Variants in RMDN2 observed in about 807,000 individuals in gnomAD.
RMDN2 encodes the protein regulator of microtubule dynamics 2, also known as regulator of microtubule dynamics protein 2.
Under a neutral mutation model 52.8 loss-of-function variants are expected in RMDN2, and 61 were observed. The ratio of observed to expected loss-of-function variants is 1.16; its 90% CI spans 0.94 to 1.43. The LOEUF is 1.43. Among genes scored for constraint, RMDN2 ranks in the 40% most tolerant of loss-of-function variants. The pLI is 0.00. For synonymous variants in RMDN2, 180 were observed against 153.1 expected (o/e 1.18, Z -1.30); for missense variants, 592 against 475.3 (o/e 1.25, Z -2.28).
intron 3 of RMDN2, chr2:37,974,889 AAAG>A (rs1182285697): frequency 2.0e-5 from 5 of 247,586 alleles, no homozygotes; most frequent in Non-Finnish European, 3.8e-5. Context: ...TTGGAAAGGA[AAAG>A]AAGAAAAGGA....
At chr2:37,967,153 G>A (rs1232794234) in intron 2 of RMDN2, among the ~76,000 whole-genome samples, 1 of 152,072 alleles carries the variant, frequency 6.6e-6, no homozygotes, top group Non-Finnish European at 1.5e-5. Flanking sequence ...TTTTGTTTGT[G>A]TCCTCTAATT....
intron 8 of RMDN2, among the ~76,000 whole-genome samples, chr2:37,999,330 G>A (rs530783889): frequency 1.3e-5 from 2 of 152,276 alleles, no homozygotes; most frequent in African/African-American, 4.8e-5. Context: ...TCATAGTGGT[G>A]TTGTAAGGAT....
In RMDN2 at chr2:38,023,687, G is replaced by A. The variant is rs544772097; in HGVS notation, c.1713+19471G>A. On this transcript the variant is annotated intron_variant, in intron 10 of 10. Transcript: ENST00000234195. ...AAGATACATTTTAGAACCAAGTAAA[G>A]TTCATACTTGAAGTACTGTGATTTT... 1.2e-4 allele frequency among the ~76,000 whole-genome samples: 18 copies of A among 152,224 alleles called. 1 individual carries two copies. Among genetic ancestry groups the A allele is most frequent in the African/African-American group, 3.9e-4 (16 of 41,534 alleles).
At chr2:37,973,844 G>C (rs1672110763) in intron 2 of RMDN2, among the ~76,000 whole-genome samples, 196 bp from the exon 3 acceptor site, 1 of 152,116 alleles carries the variant, frequency 6.6e-6, no homozygotes, top group Admixed American at 6.6e-5. Context: ...AGATCAAAGA[G>C]GTAACGAGAT....
chr2:38,045,102 T>C (rs556317088), intron 10 of RMDN2, among the ~76,000 whole-genome samples: 2 of 152,320 alleles, frequency 1.3e-5, no homozygotes, highest in South Asian at 2.1e-4. Context: ...TGTTAATTTA[T>C]TAAAAGAGAA....
At chr2:37,995,015 A>C (rs1057270464) in intron 7 of RMDN2, among the ~76,000 whole-genome samples, 1 of 152,212 alleles carries the variant, frequency 6.6e-6, no homozygotes, top group South Asian at 2.1e-4. Context: ...GCAAAGGGGT[A>C]TGAGAGAACT....
downstream of RMDN2, among the ~76,000 whole-genome samples, chr2:38,018,883 C>T (rs759185074): frequency 7.2e-5 from 11 of 152,262 alleles, no homozygotes; most frequent in South Asian, 6.2e-4. Context: ...TGCACATGCA[C>T]GCACACGCAC....
At chr2:38,011,815 A>G (rs1224943537) in intron 10 of RMDN2, among the ~76,000 whole-genome samples, 1 of 152,204 alleles carries the variant, frequency 6.6e-6, no homozygotes, top group African/African-American at 2.4e-5. Context: ...CACAAAAGTG[A>G]GAGAGCAAAG....
chr2:37,993,251 C>G (rs938305767), intron 7 of RMDN2, among the ~76,000 whole-genome samples: 1 of 152,066 alleles, frequency 6.6e-6, no homozygotes, highest in Non-Finnish European at 1.5e-5. Context: ...AAAATCTTTG[C>G]TCTTAACTAG....
At chr2:38,043,409 C>T (rs1436430224) in intron 10 of RMDN2, among the ~76,000 whole-genome samples, 1 of 152,030 alleles carries the variant, frequency 6.6e-6, no homozygotes, top group Admixed American at 6.6e-5. Flanking sequence ...TCTTATAGGC[C>T]ACATATAGTC....
intron 2 of RMDN2, among the ~76,000 whole-genome samples, chr2:37,955,939 G>A (rs1669399617): frequency 6.8e-6 from 1 of 146,692 alleles, no homozygotes; most frequent in African/African-American, 2.5e-5. Context: ...ATGGGTTGTT[G>A]AATTCTGTTT....
intron 10 of RMDN2, among the ~76,000 whole-genome samples, chr2:38,048,539 C>T (rs557552159): frequency 8.3e-4 from 126 of 152,274 alleles, no homozygotes; most frequent in African/African-American, 3.0e-3. Flanking sequence ...TGAGCTGGCC[C>T]GGCCCTTCTC....
chr2:38,021,846 A>T (rs1679402902), downstream of RMDN2, among the ~76,000 whole-genome samples: 1 of 152,210 alleles, frequency 6.6e-6, no homozygotes, highest in South Asian at 2.1e-4. Context: ...AGTTCATGTC[A>T]TGCTGTGAGG....
chr2:38,060,983 G>C (rs960419035), intron 10 of RMDN2, among the ~76,000 whole-genome samples: 6 of 152,156 alleles, frequency 3.9e-5, no homozygotes, highest in Non-Finnish European at 5.9e-5. Context: ...TGTTCCAGGA[G>C]AAGTTCCATT....
At chr2:37,978,777 C>CAGATAGATAGATAGAT (rs1213724373) in intron 4 of RMDN2, among the ~76,000 whole-genome samples, 3,849 of 148,814 alleles carry the variant, frequency 0.026, 63 homozygotes, top group African/African-American at 0.039. Flanking sequence ...GACCCTTTCT[C>CAGATAGATAGATAGAT]AGATAGATAG....
chr2:37,973,764 C>G (rs1041398155), intron 2 of RMDN2, among the ~76,000 whole-genome samples: 1 of 151,774 alleles, frequency 6.6e-6, no homozygotes, highest in African/African-American at 2.4e-5. Flanking sequence ...GAGGTAGGCA[C>G]GTGATTAGAA....
chr2:38,004,156 A>G lies in RMDN2; in HGVS notation c.1119A>G (p.Glu373=), dbSNP rs1676739223. The G allele has an allele frequency of 3.1e-6, 5 of 1,613,714 alleles. No individual in the cohort carries two copies. The East Asian group carries it at 6.7e-5, about 22-fold the overall frequency. The stretch of plus-strand genomic sequence containing the variant: ...TCCAGTGTTATACTGATCTTGAGGA[A>G]AACCAGAATGCTTTGAAGTTCTGTA... ...YLAKCYTDLE[E]NQNALKFCNL... The change falls in exon 10 of 11, where the codon GAA becomes GAG. Residue 373 remains glutamate (E), a synonymous_variant. Transcript: ENST00000354545.
chr2:37,953,771 T>C (rs1439897588), intron 2 of RMDN2, among the ~76,000 whole-genome samples: 2 of 152,048 alleles, frequency 1.3e-5, no homozygotes, highest in African/African-American at 4.8e-5. Context: ...ACTACCATAT[T>C]GTTTTCCATA....
intron 2 of RMDN2, among the ~76,000 whole-genome samples, chr2:37,946,751 G>A (rs1210184655): frequency 1.3e-5 from 2 of 152,108 alleles, no homozygotes; most frequent in Non-Finnish European, 2.9e-5. Flanking sequence ...TCATATATGA[G>A]AGTAAGAACC....
Sources: allele counts gnomAD v4.1 joint callset (sites outside exome capture counted in the v4.1 genomes callset), GRCh38; gene constraint gnomAD v4.1.1; transcripts MANE v1.5; gene names NCBI Gene and HGNC (gene_info 2026-07-23, HGNC 2026-07-21).